Variants in NELL2 observed in about 807,000 individuals in gnomAD.
NELL2 encodes neural EGFL like 2.
In NELL2, 41 loss-of-function variants were observed where a neutral mutation model predicts 109.6. The ratio of observed to expected loss-of-function variants is 0.37; its 90% CI spans 0.29 to 0.49. The LOEUF (loss-of-function observed/expected upper bound fraction) is 0.49, where lower values mean the gene tolerates loss of function less well. Among genes scored for constraint, NELL2 ranks in the 20% least tolerant of loss-of-function variants. The pLI, the probability that NELL2 is intolerant of heterozygous loss-of-function variation, is 0.98. For missense variants in NELL2, 900 were observed against 1,008.3 expected (o/e 0.89, Z 1.45); for synonymous variants, 355 against 344.7 (o/e 1.03, Z -0.33).
At chr12:44,887,638 G>A (rs1945488878) in intron 1 of NELL2, among the ~76,000 whole-genome samples, 2 of 143,878 alleles carry the variant, frequency 1.4e-5, no homozygotes. Flanking sequence ...GGGGATTATT[G>A]TGTGTGTGTG....
chr12:44,833,733 AC>A (rs1432404830), intron 2 of NELL2, among the ~76,000 whole-genome samples: 2 of 152,206 alleles, frequency 1.3e-5, no homozygotes, highest in Admixed American at 1.3e-4. Context: ...GACTCGCGGT[AC>A]AGCTCTAGGT....
At chr12:44,566,566 C>CACACACAGAG (rs377368706) in intron 15 of NELL2, among the ~76,000 whole-genome samples, 49 of 138,516 alleles carry the variant, frequency 3.5e-4, no homozygotes, top group African/African-American at 1.2e-3. Context: ...CACACACACA[C>CACACACAGAG]AGAGTTTTAT....
chr12:44,613,749 CAG>C (rs763547882), intron 13 of NELL2, among the ~76,000 whole-genome samples: 10 of 152,028 alleles, frequency 6.6e-5, no homozygotes, highest in Non-Finnish European at 1.2e-4. Flanking sequence ...TTCACAAAAA[CAG>C]AATATAAATG....
intron 9 of NELL2, among the ~76,000 whole-genome samples, chr12:44,738,405 C>G (rs576900827): frequency 6.6e-6 from 1 of 151,752 alleles, no homozygotes; most frequent in Non-Finnish European, 1.5e-5. Flanking sequence ...TGGAAACAAC[C>G]TAAGTGTCTG....
intron 13 of NELL2, among the ~76,000 whole-genome samples, chr12:44,629,932 T>A (rs1019351850): frequency 1.3e-5 from 2 of 152,182 alleles, no homozygotes; most frequent in Admixed American, 1.3e-4. Context: ...CATTTCCAAG[T>A]AGAATCACAT....
At chr12:44,757,402 C>T (rs531078937) in intron 9 of NELL2, among the ~76,000 whole-genome samples, 1 of 152,088 alleles carries the variant, frequency 6.6e-6, no homozygotes, top group Admixed American at 6.6e-5. Flanking sequence ...CTTCCTAATG[C>T]TTTGGGGATA....
At chr12:44,887,245 G>A in intron 1 of NELL2, among the ~76,000 whole-genome samples, 1 of 151,880 alleles carries the variant, frequency 6.6e-6, no homozygotes, top group African/African-American at 2.4e-5. Context: ...TCGAACTCCT[G>A]GGCTTAAGCG....
intron 9 of NELL2, among the ~76,000 whole-genome samples, chr12:44,733,339 A>C (rs1018537019): frequency 6.6e-6 from 1 of 152,002 alleles, no homozygotes; most frequent in East Asian, 1.9e-4. Flanking sequence ...AATAAAGAAA[A>C]TGTAGTATAT....
At chr12:44,887,707 T>C (rs557404267) in intron 1 of NELL2, among the ~76,000 whole-genome samples, 18 of 151,918 alleles carry the variant, frequency 1.2e-4, no homozygotes, top group African/African-American at 4.1e-4. Context: ...TTGAGTTGTT[T>C]GAGCTCCTTA....
At chr12:44,836,174 C>G (rs1053677361) in intron 2 of NELL2, among the ~76,000 whole-genome samples, 1 of 152,206 alleles carries the variant, frequency 6.6e-6, no homozygotes, top group Non-Finnish European at 1.5e-5. Flanking sequence ...GATTGGAACA[C>G]ACAGAAAAGC....
Position 44,793,856 on chromosome 12 carries a change from A to T in NELL2, c.336-13834T>A, listed in dbSNP as rs1305413851. Among the ~76,000 whole-genome samples the T allele has an allele frequency of 1.2e-4, 18 of 152,352 alleles. No homozygotes were observed. The East Asian group carries it at 3.1e-3, about 26-fold the overall frequency. On this transcript the variant is annotated intron_variant, in intron 3 of 19. Transcript: ENST00000429094. ...TTTGAAACAGAATGTCTTCAAAATCAGTCACCATTAAAATGCACAAAATCG... is the reference window on the plus strand; with the variant it reads ...TTTGAAACAGAATGTCTTCAAAATCTGTCACCATTAAAATGCACAAAATCG...
chr12:44,558,210 T>G (rs1008431041), intron 15 of NELL2, among the ~76,000 whole-genome samples: 1 of 152,228 alleles, frequency 6.6e-6, no homozygotes, highest in African/African-American at 2.4e-5. Context: ...AAAGACTGGA[T>G]GGTACAAAGT....
At chr12:44,547,401 G>GA (rs892315464) in intron 15 of NELL2, among the ~76,000 whole-genome samples, 3 of 152,054 alleles carry the variant, frequency 2.0e-5, no homozygotes, top group Non-Finnish European at 4.4e-5. Context: ...GAATGTCATG[G>GA]AAAAATGCTT....
intron 13 of NELL2, among the ~76,000 whole-genome samples, chr12:44,654,202 T>C (rs1728331869): frequency 6.6e-6 from 1 of 152,172 alleles, no homozygotes; most frequent in Non-Finnish European, 1.5e-5. Context: ...AATTGGACAA[T>C]AACCTTACCA....
At chr12:44,836,763 A>G (rs1293984731) in intron 2 of NELL2, among the ~76,000 whole-genome samples, 1 of 152,222 alleles carries the variant, frequency 6.6e-6, no homozygotes. Flanking sequence ...AGGGGTCTAC[A>G]ATGCCGAAGT....
intron 3 of NELL2, among the ~76,000 whole-genome samples, chr12:44,785,092 GT>G (rs1215151755): frequency 6.6e-6 from 1 of 152,162 alleles, no homozygotes; most frequent in Non-Finnish European, 1.5e-5. Context: ...AAGGCAAATT[GT>G]TTTGTTTGCA....
At chr12:44,735,961 AT>A (rs1939615766) in intron 9 of NELL2, among the ~76,000 whole-genome samples, 1 of 151,806 alleles carries the variant, frequency 6.6e-6, no homozygotes, top group African/African-American at 2.4e-5. Context: ...TTAATAAGTA[AT>A]AAAAATGTAA....
intron 1 of NELL2, among the ~76,000 whole-genome samples, chr12:44,912,907 T>C (rs1459374219): frequency 6.6e-6 from 1 of 152,206 alleles, no homozygotes; most frequent in East Asian, 1.9e-4. Context: ...TTACTAGCTA[T>C]ATGACCTTGG....
At chr12:44,912,521 G>T (rs1247039170) in intron 1 of NELL2, among the ~76,000 whole-genome samples, 2 of 151,994 alleles carry the variant, frequency 1.3e-5, no homozygotes, top group Non-Finnish European at 2.9e-5. Flanking sequence ...TTTTAAAGGA[G>T]AAAATCAGAG....
Sources: gnomAD v4.1 joint callset for allele counts (sites outside exome capture counted in the v4.1 genomes callset) on GRCh38, gnomAD v4.1.1 for gene constraint, MANE v1.5 for transcripts, NCBI Gene and HGNC (gene_info 2026-07-23, HGNC 2026-07-21) for gene names.